The following LINGO2 variants were observed in gnomAD, a reference collection of about 807,000 sequenced individuals.
The protein encoded by LINGO2 is leucine rich repeat and Ig domain containing 2, also known as leucine-rich repeat and immunoglobulin-like domain-containing nogo receptor-interacting protein 2.
Under a neutral mutation model 30.6 loss-of-function variants are expected in LINGO2, and 14 were observed. The observed-to-expected ratio is 0.46, with a 90% CI of 0.30 to 0.72. LINGO2 has a LOEUF of 0.72. Ranked by LOEUF, LINGO2 falls within the 30% of genes least tolerant of loss-of-function variation. LINGO2 has a pLI of 0.07. For missense variants in LINGO2, 729 were observed against 751.7 expected (o/e 0.97, Z 0.35); for synonymous variants, 317 against 288.5 (o/e 1.10, Z -1.00).
the LINGO2 span, among the ~76,000 whole-genome samples, chr9:28,703,430 C>T: frequency 6.6e-6 from 1 of 150,912 alleles, no homozygotes; most frequent in Non-Finnish European, 1.5e-5. Flanking sequence ...CATTTATCTC[C>T]CTTTATGTAT....
At chr9:28,861,372 CACA>C in the LINGO2 span, among the ~76,000 whole-genome samples, 11 of 133,162 alleles carry the variant, frequency 8.3e-5, no homozygotes, top group Non-Finnish European at 1.2e-4. Flanking sequence ...TATATATACA[CACA>C]AAAATCTTGT....
chr9:28,871,673 A>G, the LINGO2 span, among the ~76,000 whole-genome samples: 5 of 151,988 alleles, frequency 3.3e-5, no homozygotes, highest in Non-Finnish European at 7.4e-5. Context: ...TTTGCAGCAC[A>G]TAAGATGACA....
chr9:28,673,690 T>TCATCATCAA (rs996316447), upstream of LINGO2, among the ~76,000 whole-genome samples: 1 of 151,598 alleles, frequency 6.6e-6, no homozygotes, highest in African/African-American at 2.4e-5. Context: ...ATCATCATCA[T>TCATCATCAA]CATCATCATC....
At chr9:28,930,011 G>C in the LINGO2 span, among the ~76,000 whole-genome samples, 1 of 152,104 alleles carries the variant, frequency 6.6e-6, no homozygotes, top group Non-Finnish European at 1.5e-5. This position sits in a 1 kb window ranked among gnomAD's most constrained non-coding sequence, Gnocchi z 4.2. Context: ...TCAGGATAAA[G>C]CCCCAAATCC....
intron 4 of LINGO2, among the ~76,000 whole-genome samples, chr9:28,250,139 A>G (rs1294772528): frequency 6.6e-6 from 1 of 152,184 alleles, no homozygotes; most frequent in African/African-American, 2.4e-5. Context: ...TGAGTGGTTA[A>G]GAAGGAAAGG....
chr9:28,591,015 G>A (rs1173731069), intron 1 of LINGO2, among the ~76,000 whole-genome samples: 1 of 152,088 alleles, frequency 6.6e-6, no homozygotes, highest in Non-Finnish European at 1.5e-5. Context: ...ATAGGGACAT[G>A]GATGAAGCTG....
the LINGO2 span, among the ~76,000 whole-genome samples, chr9:29,037,029 C>T: frequency 6.6e-6 from 1 of 151,590 alleles, no homozygotes; most frequent in African/African-American, 2.4e-5. Flanking sequence ...GGTAATTCTC[C>T]TTTATTTATA....
At chr9:29,153,052 A>C in the LINGO2 span, among the ~76,000 whole-genome samples, 6 of 152,112 alleles carry the variant, frequency 3.9e-5, no homozygotes, top group Non-Finnish European at 8.8e-5. Context: ...TGGTTATTTA[A>C]TAAATATACA....
At chr9:28,821,309 G>A in the LINGO2 span, among the ~76,000 whole-genome samples, 1 of 152,186 alleles carries the variant, frequency 6.6e-6, no homozygotes, top group Non-Finnish European at 1.5e-5. Flanking sequence ...TGTTTCCTGG[G>A]AGTTTCCAAC....
chr9:28,301,523 T>C (rs1824142470), intron 3 of LINGO2, among the ~76,000 whole-genome samples: 1 of 152,078 alleles, frequency 6.6e-6, no homozygotes, highest in African/African-American at 2.4e-5. Context: ...ATGTCTAGAG[T>C]GAGACTGGAG....
the LINGO2 span, among the ~76,000 whole-genome samples, chr9:28,980,902 T>C: frequency 6.6e-6 from 1 of 152,254 alleles, no homozygotes; most frequent in East Asian, 1.9e-4. Context: ...CTGATAACTG[T>C]TGTACCATAA....
At chr9:29,183,352 T>C in the LINGO2 span, among the ~76,000 whole-genome samples, 2 of 152,284 alleles carry the variant, frequency 1.3e-5, no homozygotes, top group African/African-American at 2.4e-5. Flanking sequence ...CATGAAGAAA[T>C]GAAGCCATGG....
chr9:28,224,579 C>T (rs1050431456), intron 4 of LINGO2, among the ~76,000 whole-genome samples: 3 of 152,254 alleles, frequency 2.0e-5, no homozygotes, highest in Non-Finnish European at 4.4e-5. Flanking sequence ...TGAAGTCACC[C>T]TACTGAGCTA....
At chr9:28,027,801 C>T (rs971740496) in intron 4 of LINGO2, among the ~76,000 whole-genome samples, 2 of 152,104 alleles carry the variant, frequency 1.3e-5, no homozygotes, top group Non-Finnish European at 2.9e-5. Flanking sequence ...AGGAGCTTCC[C>T]ATATATTCAT....
intron 4 of LINGO2, among the ~76,000 whole-genome samples, chr9:28,111,614 A>T (rs1010247873): frequency 2.6e-5 from 4 of 152,276 alleles, no homozygotes; most frequent in African/African-American, 9.6e-5. Flanking sequence ...CATTCCTTCA[A>T]CAAAAATGTG....
intron 1 of LINGO2, among the ~76,000 whole-genome samples, chr9:28,547,146 A>G (rs2135485566): frequency 6.6e-6 from 1 of 152,216 alleles, no homozygotes; most frequent in Non-Finnish European, 1.5e-5. Flanking sequence ...TTTTGCCAGC[A>G]TCTGAAGTTA....
the LINGO2 span, among the ~76,000 whole-genome samples, chr9:28,804,979 G>A: frequency 4.3e-4 from 65 of 152,246 alleles, no homozygotes; most frequent in Admixed American, 1.2e-3. Flanking sequence ...CATGAGGATT[G>A]TTTTAAACAT....
intron 4 of LINGO2, among the ~76,000 whole-genome samples, chr9:28,221,037 C>G (rs1221482594): frequency 6.6e-6 from 1 of 152,140 alleles, no homozygotes. Flanking sequence ...CGGTGGCTCA[C>G]GCCTGTAATC....
At chr9:28,423,538 T>C (rs1823289034) in intron 2 of LINGO2, among the ~76,000 whole-genome samples, 1 of 152,130 alleles carries the variant, frequency 6.6e-6, no homozygotes, top group Non-Finnish European at 1.5e-5. Flanking sequence ...ATGCTACCTG[T>C]CACTAAATTA....
Sources: allele counts gnomAD v4.1 joint callset (sites outside exome capture counted in the v4.1 genomes callset), GRCh38; gene constraint gnomAD v4.1.1; non-coding constraint Gnocchi (gnomAD v3.1); transcripts MANE v1.5; gene names NCBI Gene and HGNC (gene_info 2026-07-23, HGNC 2026-07-21).